The following LEKR1 variants were observed in gnomAD, a reference collection of about 807,000 sequenced individuals.
The protein encoded by LEKR1 is protein LEKR1.
A neutral mutation model predicts 72.4 loss-of-function variants in LEKR1; 59 were observed. That is an observed-to-expected ratio of 0.82 (90% CI 0.66 to 1.01). The LOEUF (loss-of-function observed/expected upper bound fraction) is 1.01, where lower values mean the gene tolerates loss of function less well. Ranked by LOEUF, LEKR1 falls within the 50% of genes least tolerant of loss-of-function variation. The pLI is 0.00. For missense variants in LEKR1, 728 were observed against 759.2 expected (o/e 0.96, Z 0.48); for synonymous variants, 257 against 263.2 (o/e 0.98, Z 0.23).
intron 2 of LEKR1, among the ~76,000 whole-genome samples, chr3:156,831,727 G>A (rs1186875908): frequency 6.6e-6 from 1 of 152,138 alleles, no homozygotes; most frequent in African/African-American, 2.4e-5. Context: ...GCATGATAAA[G>A]GTTCACCCTC....
At chr3:156,993,007 A>G in intron 8 of LEKR1, 67 bp from the exon 9 acceptor site, 9 of 812,110 alleles carry the variant, frequency 1.1e-5, no homozygotes, top group Non-Finnish European at 1.7e-5. Context: ...CTCTTGATAC[A>G]TCTTTGGTAA....
intron 10 of LEKR1, among the ~76,000 whole-genome samples, chr3:157,014,250 C>T (rs1409015368): frequency 6.6e-6 from 1 of 152,028 alleles, no homozygotes; most frequent in Non-Finnish European, 1.5e-5. Context: ...AGATTATCAT[C>T]AAGACATCAC....
At chr3:157,018,890 C>T (rs1733594309) in intron 10 of LEKR1, among the ~76,000 whole-genome samples, 1 of 152,224 alleles carries the variant, frequency 6.6e-6, no homozygotes. Flanking sequence ...TTCTCTCCTT[C>T]CAACCTAAGT....
intron 6 of LEKR1, among the ~76,000 whole-genome samples, chr3:156,972,657 T>C (rs186127683): frequency 2.6e-5 from 4 of 151,168 alleles, no homozygotes; most frequent in African/African-American, 7.3e-5. Flanking sequence ...TAAGGACAAA[T>C]ATATCTTAAT....
chr3:156,921,557 CAA>C (rs1236672795), intron 4 of LEKR1, among the ~76,000 whole-genome samples: 5 of 152,122 alleles, frequency 3.3e-5, no homozygotes, highest in Non-Finnish European at 7.4e-5. Context: ...ACTCACAAAA[CAA>C]GTGACCATTT....
Position 156,984,029 on chromosome 3 carries a change from AT to A in LEKR1, c.827+4755del, listed in dbSNP as rs934925611. 7.2e-4 allele frequency among the ~76,000 whole-genome samples: 110 copies of A among 152,342 alleles called. 2 individuals carry two copies. Among genetic ancestry groups the A allele is most frequent in the African/African-American group, 2.6e-3 (110 of 41,588 alleles). On this transcript the variant is annotated intron_variant, in intron 7 of 12. Transcript: ENST00000356539. ...AGATATTAGAATAAGTATAACTGAT[AT>A]CCCCCAAAGTATGTCCAGGATTGTA...
intron 6 of LEKR1, among the ~76,000 whole-genome samples, chr3:156,954,038 A>T: frequency 6.6e-6 from 1 of 151,914 alleles, no homozygotes; most frequent in East Asian, 1.9e-4. Flanking sequence ...TTGTTTCTTG[A>T]CTTTTTAATA....
At chr3:156,947,446 T>A (rs186823691) in intron 6 of LEKR1, among the ~76,000 whole-genome samples, 24 of 151,328 alleles carry the variant, frequency 1.6e-4, no homozygotes, top group Non-Finnish European at 5.9e-5. Flanking sequence ...AGTGGGGTTA[T>A]GTCCCAATAA....
chr3:156,837,821 T>G (rs1346513489), intron 2 of LEKR1, among the ~76,000 whole-genome samples: 1 of 152,206 alleles, frequency 6.6e-6, no homozygotes, highest in Non-Finnish European at 1.5e-5. Context: ...CTTACCCTTT[T>G]GCCGGCATGC....
Position 157,045,850 on chromosome 3 carries a change from C to A in LEKR1, c.*100C>A. ...AGAATGACAATGATAAAATTATTTT[C>A]ACAGATCAGGAAGGCATACCTATAG... On this transcript the variant is annotated 3_prime_UTR_variant, in exon 13 of 13. Transcript: ENST00000356539. The A allele has an allele frequency of 1.8e-6, 2 of 1,126,988 alleles. No homozygotes were observed. The highest frequency in any genetic ancestry group is 2.5e-6 in the Non-Finnish European group (2 of 796,252). 69.8% of individuals were successfully genotyped at this position (1,126,988 alleles called of 1,614,324 possible).
chr3:156,977,382 T>A (rs919151027), intron 6 of LEKR1, among the ~76,000 whole-genome samples: 1 of 151,994 alleles, frequency 6.6e-6, no homozygotes, highest in Non-Finnish European at 1.5e-5. Flanking sequence ...GGAAAAAAAA[T>A]TGAACCTGTG....
chr3:157,017,948 CAAAAAAAAAA>C (rs58950224), intron 10 of LEKR1, among the ~76,000 whole-genome samples: 1 of 82,990 alleles, frequency 1.2e-5, no homozygotes, highest in African/African-American at 7.2e-5. Flanking sequence ...GACTCTGTCT[CAAAAAAAAAA>C]AAAAAAAAAA....
chr3:156,985,971 G>A (rs951649669), intron 7 of LEKR1, among the ~76,000 whole-genome samples: 1 of 152,112 alleles, frequency 6.6e-6, no homozygotes, highest in Non-Finnish European at 1.5e-5. Flanking sequence ...GCAGATGTGA[G>A]TATGAAAACA....
chr3:156,880,054 C>T (rs1400540020), intron 3 of LEKR1, among the ~76,000 whole-genome samples: 1 of 152,212 alleles, frequency 6.6e-6, no homozygotes, highest in Non-Finnish European at 1.5e-5. Flanking sequence ...CACTGGGGCA[C>T]TGCCTAGTGG....
At chr3:156,981,827 T>C (rs991415339) in intron 7 of LEKR1, among the ~76,000 whole-genome samples, 1 of 152,230 alleles carries the variant, frequency 6.6e-6, no homozygotes, top group African/African-American at 2.4e-5. Context: ...TTAATACAAT[T>C]TGTTAGTAAA....
At chr3:157,016,194 C>T (rs1459601647) in intron 10 of LEKR1, among the ~76,000 whole-genome samples, 1 of 151,968 alleles carries the variant, frequency 6.6e-6, no homozygotes, top group African/African-American at 2.4e-5. Flanking sequence ...GAAAGTTTTA[C>T]AAATTTAATG....
chr3:156,998,610 C>A (rs777952671), intron 9 of LEKR1, among the ~76,000 whole-genome samples: 5 of 152,088 alleles, frequency 3.3e-5, no homozygotes. Flanking sequence ...AAGTTAGGTG[C>A]AAGTTGCTTA....
intron 10 of LEKR1, among the ~76,000 whole-genome samples, chr3:157,020,870 G>A (rs1733780676): frequency 2.0e-5 from 3 of 151,700 alleles, no homozygotes; most frequent in African/African-American, 7.2e-5. Context: ...TTCCACAATG[G>A]TTGAACTAGT....
chr3:156,909,911 T>C (rs926855199), intron 3 of LEKR1, among the ~76,000 whole-genome samples: 2 of 152,110 alleles, frequency 1.3e-5, no homozygotes, highest in Non-Finnish European at 2.9e-5. Context: ...AACATATATA[T>C]GTTATCATTT....
Sources: allele counts gnomAD v4.1 joint callset (sites outside exome capture counted in the v4.1 genomes callset), GRCh38; gene constraint gnomAD v4.1.1; transcripts MANE v1.5; gene names NCBI Gene and HGNC (gene_info 2026-07-23, HGNC 2026-07-21).